The following UNC5A variants were observed in gnomAD, a reference collection of about 807,000 sequenced individuals.
UNC5A encodes the protein netrin receptor UNC5A.
UNC5A carries 20 observed loss-of-function variants against 87.4 expected under a neutral mutation model. That is an observed-to-expected ratio of 0.23 (90% CI 0.16 to 0.33). UNC5A has a LOEUF of 0.33. Ranked by LOEUF, UNC5A falls within the 10% of genes least tolerant of loss-of-function variation. The probability of loss-of-function intolerance (pLI) is 1.00; values close to 1 mark genes in which losing one functional copy is unlikely to be tolerated. For synonymous variants in UNC5A, 438 were observed against 482.3 expected (o/e 0.91, Z 1.20); for missense variants, 844 against 1,133.4 (o/e 0.74, Z 3.67).
chr5:176,849,956 T>C (rs1005087654), intron 1 of UNC5A, among the ~76,000 whole-genome samples: 1 of 152,222 alleles, frequency 6.6e-6, no homozygotes. Context: ...TGCCAGCCCC[T>C]GAGCTGGACA....
At chr5:176,833,902 C>T (rs1341655824) in intron 1 of UNC5A, among the ~76,000 whole-genome samples, 3 of 152,020 alleles carry the variant, frequency 2.0e-5, no homozygotes, top group South Asian at 4.2e-4. Flanking sequence ...GACGGGGTTT[C>T]ACCATGTTAG....
chr5:176,880,723 A>C lies in UNC5A; in HGVS notation c.*837A>C, dbSNP rs1758399819. The stretch of plus-strand genomic sequence containing the variant: ...TGTGTGGCGTGGCGTGCCCGTCCCC[A>C]GGGCTGGCTGGTGCCCCACGCGGGG... On this transcript the variant is annotated 3_prime_UTR_variant, in exon 15 of 15. Transcript: ENST00000329542. 5.1e-6 allele frequency: 1 copy of C among 195,562 alleles called. No homozygotes were observed. Among genetic ancestry groups the C allele is most frequent in the South Asian group, 1.1e-4 (1 of 8,698 alleles). The allele number at this position is 195,562 out of a possible 1,614,324, so 12.1% of individuals were successfully genotyped here. A position where few individuals can be genotyped will look rare whatever the true frequency, so the allele number is the denominator to read the frequency against.
At chr5:176,811,638 C>G in intron 1 of UNC5A, among the ~76,000 whole-genome samples, 1 of 152,204 alleles carries the variant, frequency 6.6e-6, no homozygotes, top group East Asian at 1.9e-4. Context: ...CCCCTGCATC[C>G]TTTGTCTGCT....
Position 176,844,239 on chromosome 5 carries a change from A to G in UNC5A, c.71-18385A>G, listed in dbSNP as rs1364033580. On this transcript the variant is annotated intron_variant, in intron 1 of 14. Transcript: ENST00000329542. This position sits in a 1 kb window ranked among gnomAD's most constrained non-coding sequence, Gnocchi z 4.2. ...AGGCCTTGCCTGATCCTCAGGACAG[A>G]GCTGGAGAGAACACTTGGTCCTGGT... is the stretch of plus-strand genomic sequence containing the variant. Among the ~76,000 whole-genome samples, 2 of 152,056 alleles carry G rather than the reference A, an allele frequency of 1.3e-5. No individual in the cohort carries two copies.
At chr5:176,856,068 C>A (rs551002365) in intron 1 of UNC5A, among the ~76,000 whole-genome samples, 1 of 152,358 alleles carries the variant, frequency 6.6e-6, no homozygotes, top group South Asian at 2.1e-4. Context: ...TGAGTGAGGC[C>A]GAGTGACGCC....
intron 1 of UNC5A, among the ~76,000 whole-genome samples, chr5:176,815,055 A>T (rs936232988): frequency 6.6e-6 from 1 of 152,182 alleles, no homozygotes; most frequent in Non-Finnish European, 1.5e-5. Flanking sequence ...ACCAGCTCAC[A>T]TTGGTGCATG....
At position 176,873,949 on chromosome 5, in the gene UNC5A, G is replaced by C. The variant is rs1758193509; in HGVS notation, c.887-19G>C. The C allele has an allele frequency of 3.1e-6, 5 of 1,609,328 alleles. No individual in the cohort carries two copies. The East Asian group carries it at 1.1e-4, about 36-fold the overall frequency. ...CTCCTACACCCCTGCCCCCACCAAG[G>C]CCATGCTGTCTCCCGCAGCTGCTTC... On this transcript the variant is annotated intron_variant, in intron 6 of 14. Transcript: ENST00000329542.
At chr5:176,828,001 G>A (rs898721043) in intron 1 of UNC5A, among the ~76,000 whole-genome samples, 2 of 152,038 alleles carry the variant, frequency 1.3e-5, no homozygotes, top group East Asian at 1.9e-4. Context: ...GGGTCAGAGC[G>A]GGTCTGGGCC....
rs772245071 is a variant in UNC5A at position 176,868,957 on chromosome 5, C to A, written c.714C>A (p.Ile238=). The change falls in exon 5 of 15, where the codon ATC becomes ATA. Residue 238 remains isoleucine, a synonymous_variant. Coordinates refer to ENST00000329542, the MANE Select transcript of UNC5A (RefSeq NM_133369.3). ...GCCGCAGCGCCTCCGCTGCTGTCAT[C>A]GTCTACGGTGGGCCCCGGGACTCCC... ...ARRRSASAAV[I]VYVDGSWSPW... is the part of the protein sequence containing the mutation. The A allele has an allele frequency of 4.4e-6, 7 of 1,602,196 alleles. No homozygotes were observed. In the South Asian group the frequency reaches 5.6e-5, roughly 13 times the overall value.
chr5:176,877,670 C>A lies in UNC5A; in HGVS notation c.1602C>A (p.Arg534=), dbSNP rs1214136416. Residue 534 remains arginine, a synonymous_variant, in exon 10 of 15, where the codon CGC becomes CGA. Transcript: ENST00000329542. ...CCAGCCCTGACAGCTGGAGCCTGCG[C>A]CTCAAAAAGCAGTCGTGCGAGGGCA... is the stretch of plus-strand genomic sequence containing the variant. ...GEPSPDSWSL[R]LKKQSCEGSW... is the part of the protein sequence containing the mutation. 2 of 1,609,284 alleles carry A rather than the reference C, an allele frequency of 1.2e-6. No homozygotes were observed. The highest frequency in any genetic ancestry group is 8.5e-7 in the Non-Finnish European group (1 of 1,177,336).
intron 1 of UNC5A, among the ~76,000 whole-genome samples, chr5:176,817,849 G>C (rs1011101959): frequency 4.6e-5 from 7 of 152,004 alleles, no homozygotes; most frequent in Admixed American, 4.6e-4. Flanking sequence ...CAGGCCGGGG[G>C]TGGGTGCCGC....
rs748742658 is a variant in UNC5A at position 176,874,402 on chromosome 5, G to T, written c.1214G>T (p.Gly405Val). ...TNGHLLSPLGGGRHTLHHSSP... is the reference protein window; with the variant it reads ...TNGHLLSPLGVGRHTLHHSSP... ...GGGCACCTGCTCAGCCCCCTGGGTG[G>T]CGGCCGCCACACACTGCACCACAGC... is the stretch of plus-strand genomic sequence containing the variant. The change falls in exon 8 of 15, where the codon GGC (glycine) becomes GTC (valine). Residue 405 changes from glycine to valine, a missense_variant. Physicochemically the swap from Gly to Val is moderately radical, Grantham distance 109. This residue lies in a region of UNC5A where 353 missense variants were observed against 387.5 expected (regional missense o/e 0.91). Transcript: ENST00000329542. The surrounding 1 kb of genome is among the most constrained non-coding windows in gnomAD (Gnocchi z 7.6). 6.2e-7 allele frequency: 1 copy of T among 1,613,474 alleles called. No individual in the cohort carries two copies. Among genetic ancestry groups the T allele is most frequent in the Non-Finnish European group, 8.5e-7 (1 of 1,179,950 alleles).
In UNC5A at chr5:176,866,931, G is replaced by A. The variant is rs752001210; in HGVS notation, c.293-1199G>A. 6.1e-4 allele frequency among the ~76,000 whole-genome samples: 93 copies of A among 152,182 alleles called. No homozygotes were observed. The highest frequency in any genetic ancestry group is 7.9e-4 in the Non-Finnish European group (54 of 68,026). ...ATAGCTGGCCGGCGACAGGGACAAA[G>A]TGATAGAAAAATCTGGACACCCAGT... On this transcript the variant is annotated intron_variant, in intron 2 of 14. Transcript: ENST00000329542. This position sits in a 1 kb window ranked among gnomAD's most constrained non-coding sequence, Gnocchi z 5.0.
chr5:176,832,136 A>T (rs1757047137), intron 1 of UNC5A, among the ~76,000 whole-genome samples: 1 of 152,146 alleles, frequency 6.6e-6, no homozygotes, highest in Admixed American at 6.5e-5. Flanking sequence ...ACTTCAGGTG[A>T]TCCACCCAGC....
intron 1 of UNC5A, among the ~76,000 whole-genome samples, chr5:176,851,583 G>A (rs867381872): frequency 3.3e-5 from 5 of 152,242 alleles, no homozygotes; most frequent in Non-Finnish European, 7.3e-5. Context: ...TCATCCCCGC[G>A]CCGGGGCCAC....
intron 1 of UNC5A, among the ~76,000 whole-genome samples, chr5:176,839,596 TC>T (rs1178257841): frequency 6.6e-6 from 1 of 152,182 alleles, no homozygotes; most frequent in African/African-American, 2.4e-5. Context: ...GGGTTGGACT[TC>T]CCTGGTTTGT....
chr5:176,839,641 A>G (rs541331628), intron 1 of UNC5A, among the ~76,000 whole-genome samples: 1 of 152,284 alleles, frequency 6.6e-6, no homozygotes, highest in East Asian at 1.9e-4. Context: ...CTGCCCTGGC[A>G]GGGCCCGTGG....
chr5:176,858,700 CGAAA>C (rs72388387), intron 1 of UNC5A, among the ~76,000 whole-genome samples: 2,603 of 94,156 alleles, frequency 0.028, 781 homozygotes, highest in Middle Eastern at 0.042. Context: ...ACATGGAAAG[CGAAA>C]GAAAGAAAGA....
chr5:176,849,052 G>A (rs1359841925), intron 1 of UNC5A, among the ~76,000 whole-genome samples: 1 of 152,196 alleles, frequency 6.6e-6, no homozygotes, highest in Non-Finnish European at 1.5e-5. Context: ...GAAGAGCGGG[G>A]CAGAGACTGG....
Sources: gnomAD v4.1 joint callset for allele counts (sites outside exome capture counted in the v4.1 genomes callset) on GRCh38, gnomAD v4.1.1 for gene constraint, gnomAD v4.1.1 regional missense constraint, Gnocchi (gnomAD v3.1) non-coding constraint, MANE v1.5 for transcripts, NCBI Gene and HGNC (gene_info 2026-07-23, HGNC 2026-07-21) for gene names.